Variants in CDH13 observed in about 807,000 individuals in gnomAD.
CDH13 encodes cadherin 13.
CDH13 carries 24 observed loss-of-function variants against 63.8 expected under a neutral mutation model. The ratio of observed to expected loss-of-function variants is 0.38; its 90% confidence interval spans 0.27 to 0.53. The LOEUF (loss-of-function observed/expected upper bound fraction) is 0.53. Among genes scored for constraint, CDH13 ranks in the 20% least tolerant of loss-of-function variants. CDH13 has a pLI of 0.85. For synonymous variants in CDH13, 503 were observed against 355.3 expected, an observed-to-expected ratio of 1.42 and a Z score of -4.67; for missense variants, 1,049 against 903.1, an observed-to-expected ratio of 1.16 and a Z score of -2.07.
At chr16:83,475,818 C>T (rs1051092421) in intron 6 of CDH13, among the ~76,000 whole-genome samples, 7 of 152,172 alleles carry the variant, frequency 4.6e-5, no homozygotes, top group East Asian at 3.8e-4. Context: ...CTCCTGACCT[C>T]GGGTGATCCA....
chr16:83,612,657 A>C (rs1043633472), intron 8 of CDH13, among the ~76,000 whole-genome samples: 5 of 151,940 alleles, frequency 3.3e-5, no homozygotes, highest in African/African-American at 1.2e-4. Context: ...TTCAGCTCTA[A>C]TAACTTATTA....
At chr16:83,748,438 G>T (rs1912791687) in intron 11 of CDH13, among the ~76,000 whole-genome samples, 188 bp downstream of exon 11, 1 of 152,164 alleles carries the variant, frequency 6.6e-6, no homozygotes, top group Non-Finnish European at 1.5e-5. Flanking sequence ...AGAATCCTCA[G>T]ATCTTTTTGG....
chr16:83,016,639 GA>G (rs1195064791), intron 2 of CDH13, among the ~76,000 whole-genome samples: 1 of 152,182 alleles, frequency 6.6e-6, no homozygotes, highest in Admixed American at 6.5e-5. Flanking sequence ...TTCCCTTTAG[GA>G]AGGAGATCCA....
intron 10 of CDH13, among the ~76,000 whole-genome samples, chr16:83,692,965 C>T (rs775959813): frequency 6.6e-6 from 1 of 152,188 alleles, no homozygotes; most frequent in Non-Finnish European, 1.5e-5. Context: ...CACCTGTAAT[C>T]CCAGCTACTC....
intron 4 of CDH13, among the ~76,000 whole-genome samples, chr16:83,177,340 C>G (rs1285660500): frequency 2.0e-5 from 3 of 152,164 alleles, no homozygotes; most frequent in African/African-American, 4.8e-5. Context: ...ATCACCAAAT[C>G]TCCAATGATA....
At chr16:82,828,682 A>G (rs2151109108) in intron 1 of CDH13, among the ~76,000 whole-genome samples, 1 of 152,136 alleles carries the variant, frequency 6.6e-6, no homozygotes, top group African/African-American at 2.4e-5. Flanking sequence ...ATATATGTAT[A>G]CACAAACATA....
At chr16:82,828,411 A>G (rs1226152212) in intron 1 of CDH13, among the ~76,000 whole-genome samples, 1 of 152,130 alleles carries the variant, frequency 6.6e-6, no homozygotes, top group East Asian at 1.9e-4. Flanking sequence ...TGAGGCCAGG[A>G]GTTCAATACT....
chr16:83,505,855 A>G lies in CDH13; in HGVS notation c.960+19200A>G, dbSNP rs189318779. On this transcript the variant is annotated intron_variant, in intron 7 of 13. Transcript: ENST00000567109. ...CCAGGAAGCAGATTGTGAGCTGCAG[A>G]TATGATGTGATTATTAAAAGCAGCC... is the stretch of plus-strand genomic sequence containing the variant. Among the ~76,000 whole-genome samples the G allele has an allele frequency of 4.2e-3, 643 of 152,266 alleles. 7 individuals carry two copies. The highest frequency in any genetic ancestry group is 0.015 in the African/African-American group (618 of 41,548).
intron 1 of CDH13, among the ~76,000 whole-genome samples, chr16:82,670,114 G>A (rs888283853): frequency 6.6e-6 from 1 of 152,198 alleles, no homozygotes; most frequent in Non-Finnish European, 1.5e-5. Context: ...CCGAGCATAT[G>A]GGGCTTCAGG....
chr16:83,247,727 G>T (rs1476294106), intron 5 of CDH13, among the ~76,000 whole-genome samples: 1 of 152,116 alleles, frequency 6.6e-6, no homozygotes, highest in South Asian at 2.1e-4. Context: ...CCATCTTGGA[G>T]TCCACCCCAC....
At chr16:83,243,875 G>A (rs1008833487) in intron 5 of CDH13, among the ~76,000 whole-genome samples, 1 of 152,114 alleles carries the variant, frequency 6.6e-6, no homozygotes, top group Non-Finnish European at 1.5e-5. Context: ...TATCCAGATG[G>A]CTTAGATTTG....
In CDH13 at chr16:82,998,169, G is replaced by A. The variant is rs139479258; in HGVS notation, c.158-33841G>A. ...TTGATCCTGGAACTTTTTATATTTC[G>A]TCATACAGACCTTCCTAAGATCCTC... On this transcript the variant is annotated intron_variant, in intron 2 of 13. Coordinates refer to ENST00000567109, the MANE Select transcript of CDH13 (RefSeq NM_001257.5). Among the ~76,000 whole-genome samples the A allele has an allele frequency of 9.2e-5, 14 of 152,110 alleles. No individual in the cohort carries two copies. The East Asian group carries it at 1.4e-3, about 15-fold the overall frequency.
intron 2 of CDH13, among the ~76,000 whole-genome samples, chr16:82,899,922 C>T (rs544477239): frequency 1.3e-5 from 2 of 152,130 alleles, no homozygotes; most frequent in Non-Finnish European, 1.5e-5. Flanking sequence ...CAAGTGATTA[C>T]GAGGGCAGAG....
At chr16:82,670,591 G>A (rs948381322) in intron 1 of CDH13, among the ~76,000 whole-genome samples, 1 of 152,144 alleles carries the variant, frequency 6.6e-6, no homozygotes, top group East Asian at 1.9e-4. Context: ...GGACAGATGG[G>A]GCTATAATTA....
At chr16:82,719,775 G>A (rs1159799395) in intron 1 of CDH13, among the ~76,000 whole-genome samples, 1 of 150,418 alleles carries the variant, frequency 6.6e-6, no homozygotes, top group Admixed American at 6.6e-5. Context: ...AAACCTGGGA[G>A]GCAGAGGTTG....
rs572517875 is a variant in CDH13, at chr16:83,573,080, A to G, written c.961-29374A>G. Among the ~76,000 whole-genome samples, 4 of 152,194 alleles carry G rather than the reference A, an allele frequency of 2.6e-5. No individual in the cohort carries two copies. In the South Asian group the frequency reaches 6.2e-4, roughly 24 times the overall value. On this transcript the variant is annotated intron_variant, in intron 7 of 13. Coordinates refer to ENST00000567109, the MANE Select transcript of CDH13 (RefSeq NM_001257.5). ...AGAACATCATCTCACACCATGAAAC[A>G]TTAATATTGGTTTTATGACTGTGCA...
At chr16:82,913,492 A>C (rs1241971320) in intron 2 of CDH13, among the ~76,000 whole-genome samples, 2 of 152,198 alleles carry the variant, frequency 1.3e-5, no homozygotes, top group African/African-American at 4.8e-5. Flanking sequence ...TCCAGGCCAC[A>C]ACTATTTTAC....
At chr16:82,767,559 C>G (rs540567404) in intron 1 of CDH13, among the ~76,000 whole-genome samples, 2 of 152,208 alleles carry the variant, frequency 1.3e-5, no homozygotes, top group African/African-American at 4.8e-5. Context: ...CTGTGCCAAA[C>G]ACATTGTGTG....
intron 2 of CDH13, chr16:82,884,564 C>T: frequency 5.1e-6 from 1 of 195,338 alleles, no homozygotes; most frequent in Non-Finnish European, 1.1e-5. Context: ...CCTGTGTCCC[C>T]TGTAGGTGTT....
Sources: gnomAD v4.1 joint callset for allele counts (sites outside exome capture counted in the v4.1 genomes callset) on GRCh38, gnomAD v4.1.1 for gene constraint, MANE v1.5 for transcripts, NCBI Gene and HGNC (gene_info 2026-07-23, HGNC 2026-07-21) for gene names.